Variants in TENM2 observed in about 807,000 individuals in gnomAD.
TENM2 encodes teneurin-2.
A neutral mutation model predicts 245.2 loss-of-function variants in TENM2; 52 were observed. That is an observed-to-expected ratio of 0.21 (90% CI 0.17 to 0.27). The LOEUF (loss-of-function observed/expected upper bound fraction) is 0.27, where lower values mean the gene tolerates loss of function less well. Ranked by LOEUF, TENM2 falls within the 10% of genes least tolerant of loss-of-function variation. TENM2 has a pLI of 1.00. For missense variants in TENM2, 3,046 were observed against 3,666.8 expected (o/e 0.83, Z 4.37); for synonymous variants, 1,363 against 1,438.9 (o/e 0.95, Z 1.19).
intron 27 of TENM2, among the ~76,000 whole-genome samples, chr5:168,249,917 C>T (rs1273533108): frequency 6.6e-6 from 1 of 152,136 alleles, no homozygotes. Context: ...GAGTCTCTCT[C>T]CATCCATCCA....
At chr5:167,031,779 G>A in the TENM2 span, among the ~76,000 whole-genome samples, 1 of 152,118 alleles carries the variant, frequency 6.6e-6, no homozygotes, top group Non-Finnish European at 1.5e-5. Flanking sequence ...CAGTCGGGCT[G>A]GTCTCGAACT....
intron 27 of TENM2, among the ~76,000 whole-genome samples, chr5:168,254,740 A>G (rs1336815699): frequency 6.6e-6 from 1 of 152,148 alleles, no homozygotes; most frequent in Non-Finnish European, 1.5e-5. Context: ...CAATGAGGAG[A>G]GTCTTCTAAA....
chr5:167,438,216 G>A lies in TENM2; in HGVS notation c.502+62743G>A, dbSNP rs138941360. The stretch of plus-strand genomic sequence containing the variant: ...CAAAATGAACTATGTACTTTTTTCC[G>A]CAAGGATCCAAAAAGTGTTCCTCTG... On this transcript the variant is annotated intron_variant, in intron 2 of 28. Coordinates refer to ENST00000518659, the Ensembl canonical transcript of TENM2. Among the ~76,000 whole-genome samples the A allele has an allele frequency of 8.4e-4, 128 of 152,142 alleles. 1 individual carries two copies. The East Asian group carries it at 0.013, about 16-fold the overall frequency.
At chr5:167,090,605 G>T in the TENM2 span, among the ~76,000 whole-genome samples, 4 of 152,134 alleles carry the variant, frequency 2.6e-5, no homozygotes, top group Non-Finnish European at 5.9e-5. Flanking sequence ...ATTTCTTTCA[G>T]AAGTATGCCT....
intron 3 of TENM2, among the ~76,000 whole-genome samples, chr5:167,893,623 T>C (rs1039426060): frequency 1.3e-5 from 2 of 151,460 alleles, no homozygotes; most frequent in Admixed American, 6.6e-5. Flanking sequence ...ACAAAAAAGG[T>C]TTTTTTGTTG....
chr5:167,238,191 A>G, the TENM2 span, among the ~76,000 whole-genome samples: 4 of 152,276 alleles, frequency 2.6e-5, no homozygotes, highest in East Asian at 7.7e-4. Context: ...GCGTTATACA[A>G]TTAAAATTTA....
intron 2 of TENM2, among the ~76,000 whole-genome samples, chr5:167,859,364 G>C (rs1383179029): frequency 7.2e-6 from 1 of 138,954 alleles, no homozygotes; most frequent in Non-Finnish European, 1.6e-5. Flanking sequence ...CAGCCACCCC[G>C]TCCGGGAGGG....
chr5:168,075,272 C>T (rs1791371119), intron 7 of TENM2, among the ~76,000 whole-genome samples: 1 of 152,098 alleles, frequency 6.6e-6, no homozygotes, highest in Non-Finnish European at 1.5e-5. Flanking sequence ...TATTTCATTC[C>T]TTTTAATGTC....
intron 2 of TENM2, among the ~76,000 whole-genome samples, chr5:167,631,193 C>T (rs891230243): frequency 5.9e-5 from 9 of 151,950 alleles, no homozygotes; most frequent in African/African-American, 1.2e-4. Flanking sequence ...GTAAGCTTGG[C>T]GATAAGTAAA....
intron 27 of TENM2, among the ~76,000 whole-genome samples, chr5:168,252,294 C>T (rs1332313873): frequency 6.7e-6 from 1 of 149,612 alleles, no homozygotes; most frequent in Non-Finnish European, 1.5e-5. Flanking sequence ...AAAAGGATTG[C>T]TTGAGCCCAG....
At chr5:168,146,940 C>T (rs565415305) in intron 12 of TENM2, among the ~76,000 whole-genome samples, 1 of 152,352 alleles carries the variant, frequency 6.6e-6, no homozygotes, top group Admixed American at 6.5e-5. Flanking sequence ...CCCCCCTTCA[C>T]CTGTCGGGAA....
chr5:167,477,236 AT>A (rs201317458), intron 2 of TENM2, among the ~76,000 whole-genome samples: 91 of 147,538 alleles, frequency 6.2e-4, no homozygotes, highest in Middle Eastern at 3.5e-3. Context: ...TGAAACTAGA[AT>A]TTTTTTTTTC....
At chr5:167,775,268 A>G (rs1293861325) in intron 2 of TENM2, among the ~76,000 whole-genome samples, 2 of 152,134 alleles carry the variant, frequency 1.3e-5, no homozygotes, top group Non-Finnish European at 2.9e-5. Context: ...GTGCCTGGCC[A>G]GGGTGTGAGG....
chr5:167,804,350 C>T (rs943986160), intron 2 of TENM2, among the ~76,000 whole-genome samples: 3 of 152,110 alleles, frequency 2.0e-5, no homozygotes, highest in Non-Finnish European at 2.9e-5. Context: ...AGCTGATCCT[C>T]TTTCCCATAC....
chr5:168,122,464 C>T (rs139944096), intron 10 of TENM2, among the ~76,000 whole-genome samples: 2 of 152,320 alleles, frequency 1.3e-5, no homozygotes, highest in East Asian at 3.9e-4. Context: ...GTGTGAGTCA[C>T]CACGCCTGGC....
intron 18 of TENM2, 41 bp from the exon 21 acceptor site, chr5:168,204,331 A>G (rs1189404995): frequency 6.3e-7 from 1 of 1,594,676 alleles, no homozygotes; most frequent in Non-Finnish European, 8.6e-7. Flanking sequence ...TGTCTTCCCC[A>G]GAGGGCTTCA....
chr5:167,684,218 G>T (rs917980811), intron 2 of TENM2, among the ~76,000 whole-genome samples: 3 of 152,218 alleles, frequency 2.0e-5, no homozygotes, highest in Non-Finnish European at 2.9e-5. Context: ...TCTCAGCCTT[G>T]CCTACCCATC....
chr5:168,081,011 G>A (rs530266908), intron 7 of TENM2, among the ~76,000 whole-genome samples: 16 of 152,062 alleles, frequency 1.1e-4, no homozygotes, highest in Admixed American at 2.6e-4. Context: ...TTGTTGATCC[G>A]TCTAATGTTG....
chr5:168,075,927 T>C (rs1379692758), intron 7 of TENM2, among the ~76,000 whole-genome samples: 1 of 152,106 alleles, frequency 6.6e-6, no homozygotes, highest in Non-Finnish European at 1.5e-5. Context: ...TTCACTATCA[T>C]GAGAACAGCA....
Sources: allele counts gnomAD v4.1 joint callset (sites outside exome capture counted in the v4.1 genomes callset), GRCh38; gene constraint gnomAD v4.1.1; transcripts MANE v1.5; gene names NCBI Gene and HGNC (gene_info 2026-07-23, HGNC 2026-07-21).